The following CNTN4 variants were observed in gnomAD, a reference collection of about 807,000 sequenced individuals.
CNTN4 encodes the protein contactin 4, also known as contactin-4.
Under a neutral mutation model 122.5 loss-of-function variants are expected in CNTN4, and 77 were observed. That is an observed-to-expected ratio of 0.63 (90% CI 0.52 to 0.76). The LOEUF (loss-of-function observed/expected upper bound fraction) is 0.76. Among genes scored for constraint, CNTN4 ranks in the 30% least tolerant of loss-of-function variants. The pLI, the probability that CNTN4 is intolerant of heterozygous loss-of-function variation, is 0.00. For missense variants in CNTN4, 1,256 were observed against 1,259.1 expected (o/e 1.00, Z 0.04); for synonymous variants, 512 against 447.0 (o/e 1.15, Z -1.83).
chr3:2,519,137 A>T lies in CNTN4; in HGVS notation c.-88-52279A>T, dbSNP rs1392926667. Among the ~76,000 whole-genome samples the T allele has an allele frequency of 2.6e-5, 4 of 152,120 alleles. No homozygotes were observed. The East Asian group carries it at 7.7e-4, about 29-fold the overall frequency. Reference sequence around the variant, plus strand: ...TTTCACATAGGAGTTTTATCTCCTGATGTGACAATGAAAAGGGAAGATCGG... The same window carrying T: ...TTTCACATAGGAGTTTTATCTCCTGTTGTGACAATGAAAAGGGAAGATCGG... On this transcript the variant is annotated intron_variant, in intron 3 of 24. Transcript: ENST00000418658.
chr3:2,740,475 A>G (rs916541062), intron 5 of CNTN4, among the ~76,000 whole-genome samples: 2 of 152,232 alleles, frequency 1.3e-5, no homozygotes, highest in Admixed American at 6.5e-5. Flanking sequence ...TATCACGGGA[A>G]TGGAAAAGCC....
intron 3 of CNTN4, among the ~76,000 whole-genome samples, chr3:2,359,526 A>C (rs1051110002): frequency 2.0e-5 from 3 of 152,070 alleles, no homozygotes. Flanking sequence ...AACTGAAATC[A>C]TGTATATATG....
intron 3 of CNTN4, among the ~76,000 whole-genome samples, chr3:2,426,294 T>C (rs2047830419): frequency 1.3e-5 from 2 of 152,220 alleles, no homozygotes. Context: ...TTGAATTTTG[T>C]TGAAGTCCTT....
At chr3:2,704,137 A>G (rs1466860380) in intron 4 of CNTN4, among the ~76,000 whole-genome samples, 1 of 151,672 alleles carries the variant, frequency 6.6e-6, no homozygotes, top group African/African-American at 2.4e-5. Flanking sequence ...TCTCTACTAA[A>G]AATACAAAAA....
At chr3:2,575,600 C>A (rs1017418598) in intron 4 of CNTN4, among the ~76,000 whole-genome samples, 3 of 152,082 alleles carry the variant, frequency 2.0e-5, no homozygotes, top group Non-Finnish European at 2.9e-5. Flanking sequence ...AATGCTCTTG[C>A]CTTAAATGTC....
chr3:2,555,341 G>A (rs34494823), intron 3 of CNTN4, among the ~76,000 whole-genome samples: 11,620 of 151,952 alleles, frequency 0.076, 557 homozygotes, highest in Middle Eastern at 0.11. Context: ...CTTTTTCCTC[G>A]GTAATTAAAT....
intron 4 of CNTN4, among the ~76,000 whole-genome samples, chr3:2,664,640 A>G (rs2084060829): frequency 6.6e-6 from 1 of 152,208 alleles, no homozygotes; most frequent in East Asian, 1.9e-4. Flanking sequence ...ACATCTTATC[A>G]GAGGAAAGCA....
chr3:2,134,421 C>T (rs1437756601), intron 2 of CNTN4, among the ~76,000 whole-genome samples: 1 of 152,128 alleles, frequency 6.6e-6, no homozygotes, highest in Non-Finnish European at 1.5e-5. Context: ...TCCAGTCTGA[C>T]ACATGGAAAA....
chr3:2,692,224 A>C (rs538981848), intron 4 of CNTN4, among the ~76,000 whole-genome samples: 2 of 152,224 alleles, frequency 1.3e-5, no homozygotes, highest in African/African-American at 4.8e-5. Context: ...TTTTGCAAAT[A>C]GCAGGAGGAA....
At chr3:2,840,771 A>C (rs1199867215) in intron 7 of CNTN4, among the ~76,000 whole-genome samples, 1 of 152,038 alleles carries the variant, frequency 6.6e-6, no homozygotes, top group African/African-American at 2.4e-5. Context: ...TAGTCTCCCA[A>C]TTTTTAAGCG....
intron 3 of CNTN4, among the ~76,000 whole-genome samples, chr3:2,506,120 A>G (rs956275519): frequency 6.6e-6 from 1 of 151,756 alleles, no homozygotes; most frequent in African/African-American, 2.4e-5. Context: ...CTTCCTTCTC[A>G]TTTTGTTCCA....
chr3:2,498,784 C>T (rs1047832052), intron 3 of CNTN4, among the ~76,000 whole-genome samples: 3 of 151,752 alleles, frequency 2.0e-5, no homozygotes, highest in South Asian at 4.2e-4. Flanking sequence ...AATTTTTCCT[C>T]TTATTGATGG....
chr3:3,037,392 T>G (rs1699705274), intron 18 of CNTN4, 64 bp downstream of exon 18: 1 of 1,607,216 alleles, frequency 6.2e-7, no homozygotes, highest in East Asian at 2.2e-5. Flanking sequence ...GAAAAGCGTT[T>G]GAATTCTTGC....
intron 16 of CNTN4, 89 bp from the exon 17 acceptor site, chr3:3,034,543 A>C (rs1374927099): frequency 7.6e-7 from 1 of 1,315,910 alleles, no homozygotes; most frequent in Non-Finnish European, 1.1e-6. Context: ...AGATAAATGA[A>C]TGGGTCAATG....
chr3:3,032,690 C>T (rs1006444443), intron 16 of CNTN4, among the ~76,000 whole-genome samples: 5 of 152,194 alleles, frequency 3.3e-5, no homozygotes, highest in Non-Finnish European at 5.9e-5. Flanking sequence ...ACCTATAGCA[C>T]TGTAATGGCA....
intron 4 of CNTN4, among the ~76,000 whole-genome samples, chr3:2,576,551 C>CT (rs11313015): frequency 0.1 from 13,595 of 131,128 alleles, 982 homozygotes; most frequent in South Asian, 0.31. Flanking sequence ...CTGTTTTTTT[C>CT]TTTTTTTTTT....
At chr3:2,593,431 G>C (rs978994742) in intron 4 of CNTN4, among the ~76,000 whole-genome samples, 2 of 152,150 alleles carry the variant, frequency 1.3e-5, no homozygotes, top group Non-Finnish European at 2.9e-5. Flanking sequence ...CTGGTGGTTA[G>C]GTATAATTTT....
At chr3:2,152,992 C>G (rs376367165) in intron 2 of CNTN4, among the ~76,000 whole-genome samples, 43 of 152,284 alleles carry the variant, frequency 2.8e-4, no homozygotes, top group African/African-American at 1.0e-3. Flanking sequence ...ATGGAGCCTG[C>G]TTTAGATTAC....
chr3:2,230,280 G>A (rs2039435574), intron 2 of CNTN4, among the ~76,000 whole-genome samples: 1 of 152,164 alleles, frequency 6.6e-6, no homozygotes, highest in Non-Finnish European at 1.5e-5. Context: ...ACCACCTCAA[G>A]TGCCATAGTG....
Sources: gnomAD v4.1 joint callset for allele counts (sites outside exome capture counted in the v4.1 genomes callset) on GRCh38, gnomAD v4.1.1 for gene constraint, MANE v1.5 for transcripts, NCBI Gene and HGNC (gene_info 2026-07-23, HGNC 2026-07-21) for gene names.